Variants in MIGA2 observed in about 807,000 individuals in gnomAD.
The protein encoded by MIGA2 is family with sequence similarity 73, member B.
MIGA2 carries 36 observed loss-of-function variants against 69.9 expected under a neutral mutation model. The ratio of observed to expected loss-of-function variants is 0.52; its 90% CI spans 0.39 to 0.68. The LOEUF (loss-of-function observed/expected upper bound fraction) is 0.68, where lower values mean the gene tolerates loss of function less well. MIGA2 is among the 30% of genes least tolerant of loss of function. The pLI, the probability that MIGA2 is intolerant of heterozygous loss-of-function variation, is 0.00. For missense variants in MIGA2, 660 were observed against 787.7 expected (o/e 0.84, Z 1.94); for synonymous variants, 333 against 349.2 (o/e 0.95, Z 0.52).
chr9:129,046,774 T>A (rs1009599550), intron 3 of MIGA2, among the ~76,000 whole-genome samples: 2 of 151,764 alleles, frequency 1.3e-5, no homozygotes, highest in South Asian at 2.1e-4. Flanking sequence ...TATTATTTTT[T>A]AATTTTTATT....
intron 3 of MIGA2, among the ~76,000 whole-genome samples, chr9:129,043,479 T>C (rs1845035575): frequency 6.6e-6 from 1 of 151,104 alleles, no homozygotes; most frequent in South Asian, 2.1e-4. Context: ...CTCGGCCTCT[T>C]AGGTTCAAGA....
At chr9:129,067,207 C>G (rs1846405969) in intron 11 of MIGA2, among the ~76,000 whole-genome samples, 1 of 151,562 alleles carries the variant, frequency 6.6e-6, no homozygotes, top group African/African-American at 2.4e-5. Context: ...TAGTGTTTTT[C>G]TACATCGTAA....
At position 129,067,918 on chromosome 9, in the gene MIGA2, C is replaced by G. The variant is rs766211390; in HGVS notation, c.1269+47C>G. On this transcript the variant is annotated intron_variant, in intron 12 of 15. Transcript: ENST00000684074. ...CCCGACATCCCGGGCTCCCCTGCATCTGAGCAGCAAGGGGGTTCTTGTGCC... is the reference window on the plus strand; with the variant it reads ...CCCGACATCCCGGGCTCCCCTGCATGTGAGCAGCAAGGGGGTTCTTGTGCC... The G allele has an allele frequency of 5.6e-5, 87 of 1,566,708 alleles. No individual in the cohort carries two copies. The Admixed American group carries it at 1.2e-3, about 22-fold the overall frequency.
At chr9:129,051,475 A>G (rs2131361890) in intron 6 of MIGA2, 1 of 149,222 alleles carries the variant, frequency 6.7e-6, no homozygotes, top group South Asian at 2.1e-4. Flanking sequence ...ACGGGGTTTC[A>G]CCATGTTGGC....
intron 6 of MIGA2, among the ~76,000 whole-genome samples, chr9:129,053,916 T>C (rs1344490088): frequency 2.0e-5 from 3 of 151,886 alleles, no homozygotes; most frequent in Non-Finnish European, 2.9e-5. Flanking sequence ...CATGGCATGT[T>C]CCTGTGGTCC....
chr9:129,056,150 C>T (rs1402469837), intron 6 of MIGA2, among the ~76,000 whole-genome samples: 1 of 145,270 alleles, frequency 6.9e-6, no homozygotes, highest in Non-Finnish European at 1.5e-5. Context: ...AAAAAAAAAA[C>T]TTATGTTGTT....
chr9:129,071,603 G>C lies in MIGA2; in HGVS notation c.*1150G>C, dbSNP rs1219808696. The stretch of plus-strand genomic sequence containing the variant: ...CCACACTCAGGAGGTCAGAGGACTG[G>C]CTCCTGTGACCAGGGCCCCTCTCCC... On this transcript the variant is annotated 3_prime_UTR_variant, in exon 16 of 16. Transcript: ENST00000684074. 6.6e-6 allele frequency: 1 copy of C among 152,086 alleles called. No homozygotes were observed. The highest frequency in any genetic ancestry group is 1.5e-5 in the Non-Finnish European group (1 of 68,004). The allele number at this position is 152,086 out of a possible 1,614,324, so 9.4% of individuals were successfully genotyped here. A position where few individuals can be genotyped will look rare whatever the true frequency, so the allele number is the denominator to read the frequency against.
chr9:129,037,817 C>T (rs1844673034), intron 1 of MIGA2, among the ~76,000 whole-genome samples: 2 of 152,180 alleles, frequency 1.3e-5, no homozygotes, highest in Non-Finnish European at 2.9e-5. Context: ...CAGGCAGAAG[C>T]TGGGAAACCC....
intron 1 of MIGA2, among the ~76,000 whole-genome samples, chr9:129,039,311 T>C (rs1844774652): frequency 6.6e-6 from 1 of 151,692 alleles, no homozygotes; most frequent in Non-Finnish European, 1.5e-5. Context: ...AGTGGCGCGA[T>C]CTTGGCTCCC....
rs1846545978 is a variant in MIGA2, at chr9:129,069,410, G to A, written c.1458+281G>A. On this transcript the variant is annotated intron_variant, in intron 14 of 15. Transcript: ENST00000684074. This position sits in a 1 kb window ranked among gnomAD's most constrained non-coding sequence, Gnocchi z 4.9. ...AGGGCTGGCAGCTGGCCTGGTGCAGGCGTCTCGGTGGGGGCAGGATACCCA... is the reference window on the plus strand; with the variant it reads ...AGGGCTGGCAGCTGGCCTGGTGCAGACGTCTCGGTGGGGGCAGGATACCCA... The A allele has an allele frequency of 7.1e-6, 4 of 559,712 alleles. No homozygotes were observed. In the Admixed American group the frequency reaches 1.2e-4, roughly 17 times the overall value. 34.7% of individuals were successfully genotyped at this position (559,712 alleles called of 1,614,324 possible). A position where few individuals can be genotyped will look rare whatever the true frequency, so the allele number is the denominator to read the frequency against.
intron 6 of MIGA2, among the ~76,000 whole-genome samples, chr9:129,050,788 G>C (rs1845486322): frequency 6.6e-6 from 1 of 151,994 alleles, no homozygotes; most frequent in African/African-American, 2.4e-5. Context: ...GGCCAGGCTG[G>C]TCTTGAACTC....
At chr9:129,042,040 G>A in intron 2 of MIGA2, 1 of 499,502 alleles carries the variant, frequency 2.0e-6, no homozygotes. Flanking sequence ...ACTGCGGCTT[G>A]TGTGCTCATG....
At chr9:129,036,935 G>A in intron 1 of MIGA2, 1 of 1,002,976 alleles carries the variant, frequency 1.0e-6, no homozygotes, top group Non-Finnish European at 1.2e-6. Flanking sequence ...CAGGCGCGCA[G>A]GTACCCGATC....
In MIGA2 at chr9:129,070,599, A is replaced by G; in HGVS notation, c.*146A>G. The G allele has an allele frequency of 2.3e-6, 2 of 854,244 alleles. No homozygotes were observed. The highest frequency in any genetic ancestry group is 3.5e-6 in the Non-Finnish European group (2 of 571,550). The allele number at this position is 854,244 out of a possible 1,614,324, so 52.9% of individuals were successfully genotyped here. On this transcript the variant is annotated 3_prime_UTR_variant, in exon 16 of 16. Coordinates refer to ENST00000684074, the MANE Select transcript of MIGA2 (RefSeq NM_001329990.2). ...GGAGTCCCCAAGGCCCAGAGGGGAC[A>G]TTTCCATGGAGAAGAACGGTTCCTG...
At chr9:129,055,704 C>T (rs1027043114) in intron 6 of MIGA2, among the ~76,000 whole-genome samples, 2 of 152,000 alleles carry the variant, frequency 1.3e-5, no homozygotes, top group African/African-American at 4.8e-5. Flanking sequence ...AAAAAATTAG[C>T]CGGGCGTAGT....
chr9:129,053,740 C>T (rs1206793514), intron 6 of MIGA2, among the ~76,000 whole-genome samples: 3 of 152,140 alleles, frequency 2.0e-5, no homozygotes, highest in African/African-American at 7.2e-5. Flanking sequence ...AATTCCAATA[C>T]TTTGGAAAGC....
At chr9:129,065,136 G>A (rs377197695) in intron 11 of MIGA2, among the ~76,000 whole-genome samples, 20 of 150,354 alleles carry the variant, frequency 1.3e-4, no homozygotes, top group African/African-American at 4.7e-4. Context: ...AGGAGAGAGT[G>A]TAAAAAATAT....
chr9:129,065,541 G>T (rs1213745159), intron 11 of MIGA2, among the ~76,000 whole-genome samples: 1 of 151,808 alleles, frequency 6.6e-6, no homozygotes, highest in Non-Finnish European at 1.5e-5. Context: ...GTAGAGACAG[G>T]GTTTCACCAT....
chr9:129,054,136 T>C (rs1187295829), intron 6 of MIGA2, among the ~76,000 whole-genome samples: 1 of 152,114 alleles, frequency 6.6e-6, no homozygotes, highest in Non-Finnish European at 1.5e-5. Context: ...TCACAATCAG[T>C]TTTGGAGCAT....
Sources: allele counts gnomAD v4.1 joint callset (sites outside exome capture counted in the v4.1 genomes callset), GRCh38; gene constraint gnomAD v4.1.1; non-coding constraint Gnocchi (gnomAD v3.1); transcripts MANE v1.5; gene names NCBI Gene and HGNC (gene_info 2026-07-23, HGNC 2026-07-21).